The following LARP4B variants were observed in gnomAD, a reference collection of about 807,000 sequenced individuals.
LARP4B encodes the protein la-related protein 4B.
LARP4B carries 12 observed loss-of-function variants against 89.8 expected under a neutral mutation model. That is an observed-to-expected ratio of 0.13 (90% confidence interval 0.09 to 0.22). The LOEUF (loss-of-function observed/expected upper bound fraction) is 0.22. Among genes scored for constraint, LARP4B ranks in the 10% least tolerant of loss-of-function variants. LARP4B has a pLI of 1.00. For missense variants in LARP4B, 757 were observed against 947.7 expected, an observed-to-expected ratio of 0.80 and a Z score of 2.64; for synonymous variants, 367 against 363.3, an observed-to-expected ratio of 1.01 and a Z score of -0.12.
chr10:843,156 G>T, intron 6 of LARP4B, 88 bp from the exon 7 acceptor site: 2 of 1,132,374 alleles, frequency 1.8e-6, no homozygotes, highest in Non-Finnish European at 2.6e-6. Context: ...AGAGGCGTGA[G>T]TGTGGCATGG....
the LARP4B span, among the ~76,000 whole-genome samples, chr10:956,541 T>G: frequency 1.3e-5 from 2 of 152,118 alleles, no homozygotes; most frequent in East Asian, 3.9e-4. The surrounding 1 kb of genome is among the most constrained non-coding windows in gnomAD (Gnocchi z 4.3). Flanking sequence ...GAGATGGAGT[T>G]TCACCGTGTT....
chr10:830,846 G>A (rs1234563960), intron 9 of LARP4B, 21 bp downstream of exon 9: 4 of 1,005,180 alleles, frequency 4.0e-6, no homozygotes, highest in Middle Eastern at 2.0e-4. Flanking sequence ...AATTCATAGG[G>A]TGATGGTGGA....
At chr10:827,266 ACT>A (rs1231956124) in intron 11 of LARP4B, among the ~76,000 whole-genome samples, 1 of 151,810 alleles carries the variant, frequency 6.6e-6, no homozygotes, top group Non-Finnish European at 1.5e-5. Flanking sequence ...ACAGAGAGAG[ACT>A]CTGTCTCAAA....
intron 14 of LARP4B, chr10:820,363 A>C (rs765086195): frequency 3.0e-5 from 5 of 164,460 alleles, no homozygotes; most frequent in Non-Finnish European, 5.3e-5. Context: ...ACACAGTGGG[A>C]GAGTATTCGA....
At chr10:856,746 C>T (rs941066775) in intron 5 of LARP4B, among the ~76,000 whole-genome samples, 4 of 152,178 alleles carry the variant, frequency 2.6e-5, no homozygotes, top group East Asian at 1.9e-4. Context: ...TTTGTGCTTC[C>T]GGCACGAGTA....
intron 1 of LARP4B, among the ~76,000 whole-genome samples, chr10:902,333 G>C (rs915410027): frequency 6.6e-6 from 1 of 152,204 alleles, no homozygotes; most frequent in Non-Finnish European, 1.5e-5. Context: ...GCAGCAGTGC[G>C]AATCATGGCC....
chr10:862,279 A>AAAACAAC (rs749904539), intron 5 of LARP4B, among the ~76,000 whole-genome samples: 11 of 140,406 alleles, frequency 7.8e-5, no homozygotes, highest in African/African-American at 2.9e-4. Context: ...AAAAAAAAAA[A>AAAACAAC]AACAACCGTC....
At chr10:845,884 C>T (rs184585460) in intron 5 of LARP4B, among the ~76,000 whole-genome samples, 1 of 152,280 alleles carries the variant, frequency 6.6e-6, no homozygotes, top group African/African-American at 2.4e-5. Context: ...ACACAAGAGA[C>T]ACTTGTATCT....
the LARP4B span, among the ~76,000 whole-genome samples, chr10:984,394 C>T: frequency 3.3e-5 from 5 of 152,166 alleles, no homozygotes; most frequent in South Asian, 8.3e-4. Context: ...GAAAAGAGAT[C>T]GCAAGATTTC....
chr10:814,960 TG>T lies in LARP4B; in HGVS notation c.1805del (p.Pro602GlnfsTer37). 1 of 1,598,046 alleles carries T rather than the reference TG, an allele frequency of 6.3e-7. No homozygotes were observed. The highest frequency in any genetic ancestry group is 8.5e-7 in the Non-Finnish European group (1 of 1,170,216). ...CCAATACTCACTCGGGTAAATGAGCTGGGGAGGGGGATCGCTCGTACGTTGC... is the reference window on the plus strand; with the variant it reads ...CCAATACTCACTCGGGTAAATGAGCTGGGAGGGGGATCGCTCGTACGTTGC... Reference protein sequence around the residue: ...VSATYERSPSPAHLPDDPKVA... With the variant: ...VSATYERSPSXAHLPDDPKVA... On this transcript the variant is annotated frameshift_variant, in exon 16 of 18. Coordinates refer to ENST00000316157, the MANE Select transcript of LARP4B (RefSeq NM_015155.3). LOFTEE classifies it high-confidence loss of function. The surrounding 1 kb of genome is among the most constrained non-coding windows in gnomAD (Gnocchi z 4.4).
At chr10:905,143 A>G (rs1836454480) in intron 1 of LARP4B, among the ~76,000 whole-genome samples, 1 of 152,234 alleles carries the variant, frequency 6.6e-6, no homozygotes, top group Admixed American at 6.5e-5. Context: ...TCTGGCCTCA[A>G]GCATTTCAAA....
chr10:983,444 A>C, the LARP4B span, among the ~76,000 whole-genome samples: 1 of 152,160 alleles, frequency 6.6e-6, no homozygotes, highest in Non-Finnish European at 1.5e-5. Flanking sequence ...AAACAACAGA[A>C]AATTTTCTTT....
intron 1 of LARP4B, among the ~76,000 whole-genome samples, chr10:928,656 A>T (rs1588998236): frequency 6.6e-6 from 1 of 152,186 alleles, no homozygotes. Flanking sequence ...ATCATGGCTC[A>T]CTGCAGCCTC....
chr10:820,765 T>A, intron 14 of LARP4B, 35 bp downstream of exon 14: 1 of 1,555,518 alleles, frequency 6.4e-7, no homozygotes, highest in Non-Finnish European at 8.8e-7. Flanking sequence ...TAGATTTAAA[T>A]GTCTTGTGAA....
At chr10:928,085 G>A (rs535424172) in intron 1 of LARP4B, among the ~76,000 whole-genome samples, 1 of 152,078 alleles carries the variant, frequency 6.6e-6, no homozygotes, top group South Asian at 2.1e-4. Context: ...AGCCAGGTGT[G>A]GTGGAGGGCA....
At chr10:835,381 TG>T (rs746791746) in intron 8 of LARP4B, among the ~76,000 whole-genome samples, 19 of 151,984 alleles carry the variant, frequency 1.3e-4, no homozygotes, top group Non-Finnish European at 2.2e-4. Context: ...AGAGAAGGTG[TG>T]TGGAAAGAGG....
intron 13 of LARP4B, 78 bp downstream of exon 13, chr10:824,987 A>C: frequency 7.3e-7 from 1 of 1,366,572 alleles, no homozygotes; most frequent in Non-Finnish European, 9.7e-7. Context: ...TTTAAAGACA[A>C]TTACAAAACA....
chr10:876,518 T>G (rs1318711960), intron 3 of LARP4B, among the ~76,000 whole-genome samples: 2 of 152,220 alleles, frequency 1.3e-5, no homozygotes, highest in African/African-American at 4.8e-5. Flanking sequence ...ATCATCTCCT[T>G]TGACTCCATG....
At chr10:842,852 G>T in intron 7 of LARP4B, 80 bp downstream of exon 7, 2 of 1,320,810 alleles carry the variant, frequency 1.5e-6, no homozygotes, top group Non-Finnish European at 2.1e-6. Context: ...ACGTTTGATG[G>T]CTATAGATTT....
Sources: gnomAD v4.1 joint callset for allele counts (sites outside exome capture counted in the v4.1 genomes callset) on GRCh38, gnomAD v4.1.1 for gene constraint, Gnocchi (gnomAD v3.1) non-coding constraint, MANE v1.5 for transcripts, NCBI Gene and HGNC (gene_info 2026-07-23, HGNC 2026-07-21) for gene names.